Variants in ITGAX observed in about 807,000 individuals in gnomAD.
ITGAX encodes the protein integrin alpha-X.
In ITGAX, 99 loss-of-function variants were observed where a neutral mutation model predicts 140.2. That is an observed-to-expected ratio of 0.71 (90% CI 0.60 to 0.83). ITGAX has a LOEUF of 0.83. Among genes scored for constraint, ITGAX ranks in the 40% least tolerant of loss-of-function variants. The pLI is 0.00. For synonymous variants in ITGAX, 631 were observed against 600.4 expected (o/e 1.05, Z -0.75); for missense variants, 1,444 against 1,482.0 (o/e 0.97, Z 0.42).
At position 31,357,047 on chromosome 16, in the gene ITGAX, G is replaced by A; in HGVS notation, c.264G>A (p.Val88=). The A allele has an allele frequency of 6.2e-7, 1 of 1,610,224 alleles. No homozygotes were observed. The highest frequency in any genetic ancestry group is 8.5e-7 in the Non-Finnish European group (1 of 1,179,508). ...TCCCCACAGTGCCCCCGGAGGCCGT[G>A]AACATGTCCCTGGGCCTGTCCCTGG... The part of the protein sequence containing the change: ...PIGLQVPPEA[V]NMSLGLSLAS... The change falls in exon 4 of 30, where the codon GTG becomes GTA. Residue 88 remains valine (V), a synonymous_variant. Transcript: ENST00000268296.
chr16:31,370,333 T>A (rs979788359), intron 14 of ITGAX, among the ~76,000 whole-genome samples: 2 of 152,138 alleles, frequency 1.3e-5, no homozygotes, highest in Non-Finnish European at 2.9e-5. Context: ...GGATTGGGCA[T>A]AACATGAGCA....
At chr16:31,381,755 C>A (rs779089190) in intron 29 of ITGAX, 48 bp from the exon 30 acceptor site, 6 of 865,670 alleles carry the variant, frequency 6.9e-6, no homozygotes, top group Non-Finnish European at 1.0e-5. Flanking sequence ...CTTTTCCTCT[C>A]TTCCACTGAA....
chr16:31,359,673 G>A (rs1187397689), intron 5 of ITGAX, 27 bp from the exon 6 acceptor site: 2 of 1,611,804 alleles, frequency 1.2e-6, no homozygotes, highest in African/African-American at 2.7e-5. Context: ...GTGTCACTTG[G>A]AGGACCGGTG....
intron 5 of ITGAX, among the ~76,000 whole-genome samples, chr16:31,358,751 T>A (rs941954775): frequency 6.6e-6 from 1 of 150,686 alleles, no homozygotes; most frequent in African/African-American, 2.4e-5. Context: ...GGCACAGATA[T>A]CCAGGGTGGT....
chr16:31,355,310 G>A lies in ITGAX; in HGVS notation c.37+19G>A. Reference sequence around the variant, plus strand: ...TTCACAGGTGAGCCTGGACCCCAATGAAGTAGGGCTGGGGACCCAGGCCCA... The same window carrying A: ...TTCACAGGTGAGCCTGGACCCCAATAAAGTAGGGCTGGGGACCCAGGCCCA... On this transcript the variant is annotated intron_variant, in intron 1 of 29. Coordinates refer to ENST00000268296, the MANE Select transcript of ITGAX (RefSeq NM_000887.5). 6.2e-7 allele frequency: 1 copy of A among 1,613,578 alleles called. No homozygotes were observed. The highest frequency in any genetic ancestry group is 1.1e-5 in the South Asian group (1 of 91,058).
In ITGAX at chr16:31,382,137, A is replaced by G; in HGVS notation, c.*230A>G. On this transcript the variant is annotated 3_prime_UTR_variant, in exon 30 of 30. Coordinates refer to ENST00000268296, the MANE Select transcript of ITGAX (RefSeq NM_000887.5). ...CCTGCTGTGTTCCCCAAAGGACTTG[A>G]CTTGCAATTTCTACCTAGAAATACA... 7.1e-7 allele frequency: 1 copy of G among 1,408,510 alleles called. No individual in the cohort carries two copies. Among genetic ancestry groups the G allele is most frequent in the South Asian group, 1.7e-5 (1 of 59,954 alleles). The allele number at this position is 1,408,510 out of a possible 1,614,324, so 87.3% of individuals were successfully genotyped here.
At position 31,357,037 on chromosome 16, in the gene ITGAX, C is replaced by T. The variant is rs781611809; in HGVS notation, c.254C>T (p.Pro85Leu). 2.5e-6 allele frequency: 4 copies of T among 1,609,156 alleles called. No individual in the cohort carries two copies. Among genetic ancestry groups the T allele is most frequent in the East Asian group, 4.5e-5 (2 of 44,860 alleles). Residue 85 changes from proline (P) to leucine (L), a missense_variant, in exon 4 of 30, where the codon CCG becomes CTG. Physicochemically the swap from Pro to Leu is moderately conservative, Grantham distance 98. Coordinates refer to ENST00000268296, the MANE Select transcript of ITGAX (RefSeq NM_000887.5). Reference sequence around the variant, plus strand: ...CACATATCTGTCCCCACAGTGCCCCCGGAGGCCGTGAACATGTCCCTGGGC... The same window carrying T: ...CACATATCTGTCCCCACAGTGCCCCTGGAGGCCGTGAACATGTCCCTGGGC... Reference protein sequence around the residue: ...ACEPIGLQVPPEAVNMSLGLS... With the variant: ...ACEPIGLQVPLEAVNMSLGLS...
rs778112567 is a variant in ITGAX, at chr16:31,371,779, C to T, written c.2155C>T (p.Leu719Phe). 3.1e-6 allele frequency: 5 copies of T among 1,613,856 alleles called. No individual in the cohort carries two copies. In the East Asian group the frequency reaches 6.7e-5, roughly 22 times the overall value. ...KAHCENFNLL[L>F]PSCVEDSVTP... ...ACACTGTGAAAACTTCAACCTGCTG[C>T]TCCCGGTGCGTCTGGGCATGAACGT... Residue 719 changes from leucine to phenylalanine, a missense_variant, in exon 17 of 30, where the codon CTC becomes TTC. Leu to Phe is a conservative substitution (Grantham distance 22). Coordinates refer to ENST00000268296, the MANE Select transcript of ITGAX (RefSeq NM_000887.5).
chr16:31,371,225 C>T lies in ITGAX; in HGVS notation c.1841+11C>T, dbSNP rs1238271889. The T allele has an allele frequency of 5.0e-6, 8 of 1,603,820 alleles. No individual in the cohort carries two copies. Among genetic ancestry groups the T allele is most frequent in the Non-Finnish European group, 6.8e-6 (8 of 1,174,432 alleles). ...GGTGCTCCTGCTCAGGTGAGAGCAG[C>T]CTTTCTCAGAGGCTCCCCAGGTGGT... On this transcript the variant is annotated intron_variant, in intron 15 of 29. Coordinates refer to ENST00000268296, the MANE Select transcript of ITGAX (RefSeq NM_000887.5).
chr16:31,377,137 C>T (rs747696120), intron 22 of ITGAX, 45 bp from the exon 23 acceptor site: 17 of 1,610,476 alleles, frequency 1.1e-5, no homozygotes, highest in Non-Finnish European at 1.3e-5. Context: ...ACCCCATTCT[C>T]CTCCTCTGGG....
At chr16:31,371,992 T>C (rs1273015096) in intron 17 of ITGAX, among the ~76,000 whole-genome samples, 1 of 151,922 alleles carries the variant, frequency 6.6e-6, no homozygotes, top group Non-Finnish European at 1.5e-5. Context: ...GGCCACACGA[T>C]TGGATTTCAG....
At chr16:31,360,269 G>A in intron 7 of ITGAX, 41 bp from the exon 8 acceptor site, 3 of 1,571,576 alleles carry the variant, frequency 1.9e-6, no homozygotes, top group Non-Finnish European at 2.6e-6. Context: ...GGCTAGTGTG[G>A]TTTGGTTCAC....
chr16:31,371,256 G>T, intron 15 of ITGAX, 42 bp downstream of exon 15: 1 of 1,605,626 alleles, frequency 6.2e-7, no homozygotes, highest in Non-Finnish European at 8.5e-7. Flanking sequence ...GTGGTCCTAG[G>T]TTCAGATGGG....
chr16:31,362,799 T>G (rs538117251), intron 12 of ITGAX, 46 bp downstream of exon 12: 2 of 1,604,914 alleles, frequency 1.2e-6, no homozygotes, highest in African/African-American at 1.4e-5. Flanking sequence ...GTAGGGGAGG[T>G]GGCTGGGGCA....
intron 8 of ITGAX, 48 bp from the exon 9 acceptor site, chr16:31,361,015 G>T (rs756291792): frequency 1.3e-6 from 2 of 1,585,014 alleles, no homozygotes; most frequent in East Asian, 2.2e-5. Context: ...GTGCACACAG[G>T]CACATTTGAT....
At position 31,360,263 on chromosome 16, in the gene ITGAX, A is replaced by G. The variant is rs114112242; in HGVS notation, c.708-47A>G. On this transcript the variant is annotated intron_variant, in intron 7 of 29. Transcript: ENST00000268296. ...AATTTTCACAAGGGCACCAGGGGCT[A>G]GTGTGGTTTGGTTCACAGGCCTCTA... 735 of 1,562,480 alleles carry G rather than the reference A, an allele frequency of 4.7e-4. 4 individuals are homozygous for G. The African/African-American group carries it at 9.1e-3, about 19-fold the overall frequency.
At chr16:31,370,291 T>A (rs1178461017) in intron 14 of ITGAX, among the ~76,000 whole-genome samples, 1 of 152,034 alleles carries the variant, frequency 6.6e-6, no homozygotes, top group Admixed American at 6.6e-5. Flanking sequence ...AGTTCCAGGG[T>A]GCACAGAGAT....
chr16:31,373,756 A>G (rs756746869), intron 20 of ITGAX, among the ~76,000 whole-genome samples: 2 of 152,212 alleles, frequency 1.3e-5, no homozygotes, highest in African/African-American at 4.8e-5. Flanking sequence ...ACCTTTTTCT[A>G]TAAAGGGCTA....
chr16:31,362,892 C>T (rs751837179), intron 12 of ITGAX, 43 bp from the exon 13 acceptor site: 8 of 1,609,362 alleles, frequency 5.0e-6, no homozygotes, highest in Non-Finnish European at 6.8e-6. Context: ...ACAGGGCTGC[C>T]TCTGGCAGGG....
Sources: allele counts gnomAD v4.1 joint callset (sites outside exome capture counted in the v4.1 genomes callset), GRCh38; gene constraint gnomAD v4.1.1; transcripts MANE v1.5; gene names NCBI Gene and HGNC (gene_info 2026-07-23, HGNC 2026-07-21).